Variants in THADA observed in about 807,000 individuals in gnomAD.
THADA encodes THADA armadillo repeat containing, also known as tRNA (32-2'-O)-methyltransferase regulator THADA.
Under a neutral mutation model 219.8 loss-of-function variants are expected in THADA, and 213 were observed. The observed-to-expected ratio is 0.97, with a 90% CI of 0.87 to 1.09. The LOEUF (loss-of-function observed/expected upper bound fraction) is 1.09, where lower values mean the gene tolerates loss of function less well. Among genes scored for constraint, THADA ranks in the 50% least tolerant of loss-of-function variants. THADA has a pLI of 0.00. For synonymous variants in THADA, 1,018 were observed against 828.9 expected (o/e 1.23, Z -3.92); for missense variants, 2,956 against 2,311.3 (o/e 1.28, Z -5.72).
chr2:43,370,792 T>A (rs970447830), intron 29 of THADA, among the ~76,000 whole-genome samples: 1 of 152,222 alleles, frequency 6.6e-6, no homozygotes, highest in Non-Finnish European at 1.5e-5. Flanking sequence ...ATGGTCTGAA[T>A]AATGAGATTC....
In THADA at chr2:43,447,746, T is replaced by A. The variant is rs1260191157; in HGVS notation, c.3837-17444A>T. Among the ~76,000 whole-genome samples the A allele has an allele frequency of 2.0e-5, 3 of 152,162 alleles. No homozygotes were observed. The East Asian group carries it at 5.8e-4, about 29-fold the overall frequency. ...AACCTCCCATAGCCTTAAGACTAGT[T>A]TTACCTAGTAGCTGCTGAAACGACC... is the stretch of plus-strand genomic sequence containing the variant. On this transcript the variant is annotated intron_variant, in intron 26 of 37. Transcript: ENST00000405975.
intron 28 of THADA, among the ~76,000 whole-genome samples, chr2:43,403,456 G>C (rs1675123050): frequency 6.6e-6 from 1 of 152,180 alleles, no homozygotes; most frequent in South Asian, 2.1e-4. Context: ...TGTAGGCAAT[G>C]TTGGGGAGGT....
chr2:43,393,551 T>C (rs1483158279), intron 29 of THADA, among the ~76,000 whole-genome samples: 2 of 151,798 alleles, frequency 1.3e-5, no homozygotes, highest in African/African-American at 4.8e-5. Context: ...CTACTAAAAA[T>C]ACAAAAATTG....
At chr2:43,446,578 T>G (rs930231924) in intron 26 of THADA, among the ~76,000 whole-genome samples, 1 of 152,154 alleles carries the variant, frequency 6.6e-6, no homozygotes. Context: ...GCCACCTGAG[T>G]GATCCCAGAT....
intron 21 of THADA, among the ~76,000 whole-genome samples, chr2:43,534,073 T>A (rs1694240412): frequency 6.6e-6 from 1 of 152,176 alleles, no homozygotes. Context: ...AAAGTTCAAA[T>A]ATGTATTTTT....
At chr2:43,569,368 T>C (rs936920245) in intron 14 of THADA, among the ~76,000 whole-genome samples, 1 of 152,224 alleles carries the variant, frequency 6.6e-6, no homozygotes, top group African/African-American at 2.4e-5. Flanking sequence ...AGATATATAG[T>C]CTACAAAGAG....
intron 26 of THADA, among the ~76,000 whole-genome samples, chr2:43,449,158 C>G (rs146082646): frequency 1.3e-5 from 2 of 151,974 alleles, no homozygotes; most frequent in Non-Finnish European, 2.9e-5. Context: ...AAATACCTAC[C>G]ACTAAAATGT....
intron 22 of THADA, among the ~76,000 whole-genome samples, chr2:43,525,349 G>C (rs1216661842): frequency 3.3e-5 from 5 of 152,212 alleles, no homozygotes; most frequent in Non-Finnish European, 7.3e-5. Flanking sequence ...TTGCCACTTT[G>C]CTGTCAAAAG....
Position 43,508,751 on chromosome 2 carries a change from G to A in THADA, c.3404C>T (p.Pro1135Leu). 14 of 1,613,522 alleles carry A rather than the reference G, an allele frequency of 8.7e-6. No homozygotes were observed. The highest frequency in any genetic ancestry group is 1.2e-5 in the Non-Finnish European group (14 of 1,179,638). ...TAAAACACTCCATAGCCACTGTTCTGGCAGCTTTTGCAGACTCACATTTGG... is the reference window on the plus strand; with the variant it reads ...TAAAACACTCCATAGCCACTGTTCTAGCAGCTTTTGCAGACTCACATTTGG... The part of the protein sequence containing the change: ...RCPNVSLQKL[P>L]EQWLWSVLEE... Residue 1135 changes from proline (P) to leucine (L), a missense_variant, in exon 23 of 38, where the codon CCA becomes CTA. Coordinates refer to ENST00000405975, the MANE Select transcript of THADA (RefSeq NM_022065.5).
chr2:43,529,306 CTGTAAG>C (rs1693576768), intron 21 of THADA, among the ~76,000 whole-genome samples: 1 of 152,154 alleles, frequency 6.6e-6, no homozygotes, highest in Non-Finnish European at 1.5e-5. Context: ...GCAGCTAGGA[CTGTAAG>C]TGTATGTCAC....
At chr2:43,418,101 T>C (rs1677226160) in intron 28 of THADA, among the ~76,000 whole-genome samples, 1 of 152,208 alleles carries the variant, frequency 6.6e-6, no homozygotes, top group Non-Finnish European at 1.5e-5. Flanking sequence ...CACCACTCTG[T>C]TTCTAGTGCC....
At chr2:43,423,109 T>G (rs951172938) in intron 28 of THADA, among the ~76,000 whole-genome samples, 3 of 152,164 alleles carry the variant, frequency 2.0e-5, no homozygotes, top group Non-Finnish European at 2.9e-5. Context: ...GCTCCTCAAT[T>G]TCACCCCTTT....
chr2:43,306,536 G>GAGGCTAGGATCACCC (rs1676884089), intron 31 of THADA, among the ~76,000 whole-genome samples: 1 of 152,142 alleles, frequency 6.6e-6, no homozygotes, highest in Non-Finnish European at 1.5e-5. Flanking sequence ...TGTAGTAAGA[G>GAGGCTAGGATCACCC]AGGCTAGGAT....
chr2:43,485,407 C>A, intron 25 of THADA, 82 bp from the exon 26 acceptor site: 2 of 947,430 alleles, frequency 2.1e-6, no homozygotes, highest in Non-Finnish European at 3.3e-6. Context: ...CTAGATAATT[C>A]AAAATCATTA....
chr2:43,548,994 C>A lies in THADA; in HGVS notation c.3106+216G>T, dbSNP rs563690695. Reference sequence around the variant, plus strand: ...CTGGGAGCTGTAGACTGGAGCTGTTCCTATTCGGCCATCTTGGCTCCACCC... The same window carrying A: ...CTGGGAGCTGTAGACTGGAGCTGTTACTATTCGGCCATCTTGGCTCCACCC... On this transcript the variant is annotated intron_variant, in intron 20 of 37. Coordinates refer to ENST00000405975, the MANE Select transcript of THADA (RefSeq NM_022065.5). 1.0e-3 allele frequency among the ~76,000 whole-genome samples: 154 copies of A among 152,300 alleles called. 1 individual carries two copies. The highest frequency in any genetic ancestry group is 3.5e-3 in the African/African-American group (147 of 41,558).
chr2:43,591,337 A>C (rs979543471), intron 3 of THADA, among the ~76,000 whole-genome samples: 1 of 152,176 alleles, frequency 6.6e-6, no homozygotes, highest in African/African-American at 2.4e-5. Flanking sequence ...AAAAATAAAT[A>C]AAACAAAGTG....
intron 22 of THADA, among the ~76,000 whole-genome samples, chr2:43,511,316 T>C (rs1432862591): frequency 2.0e-5 from 3 of 152,192 alleles, no homozygotes; most frequent in Non-Finnish European, 4.4e-5. Flanking sequence ...AGTTCAATAA[T>C]GCTCCTCAAC....
chr2:43,438,217 G>C (rs1378014848), intron 26 of THADA, among the ~76,000 whole-genome samples: 1 of 150,676 alleles, frequency 6.6e-6, no homozygotes, highest in Non-Finnish European at 1.5e-5. Flanking sequence ...CAGGAGAATG[G>C]CGTGAACCCA....
chr2:43,239,086 G>C (rs907059610), intron 36 of THADA, among the ~76,000 whole-genome samples: 1 of 152,204 alleles, frequency 6.6e-6, no homozygotes, highest in African/African-American at 2.4e-5. Context: ...TTAACATGTG[G>C]TCATTTGGAA....
Sources: gnomAD v4.1 joint callset for allele counts (sites outside exome capture counted in the v4.1 genomes callset) on GRCh38, gnomAD v4.1.1 for gene constraint, MANE v1.5 for transcripts, NCBI Gene and HGNC (gene_info 2026-07-23, HGNC 2026-07-21) for gene names.